The following ZMYM4 variants were observed in gnomAD, a reference collection of about 807,000 sequenced individuals.
ZMYM4 encodes the protein zinc finger MYM-type protein 4.
ZMYM4 carries 31 observed loss-of-function variants against 183.2 expected under a neutral mutation model. The observed-to-expected ratio is 0.17, with a 90% CI of 0.13 to 0.23. ZMYM4 has a LOEUF of 0.23. Ranked by LOEUF, ZMYM4 falls within the 10% of genes least tolerant of loss-of-function variation. ZMYM4 has a pLI of 1.00. For missense variants in ZMYM4, 1,273 were observed against 1,840.3 expected (o/e 0.69, Z 5.64); for synonymous variants, 592 against 631.2 (o/e 0.94, Z 0.93).
In ZMYM4 at chr1:35,359,325, CAA is replaced by C; in HGVS notation, c.488_489del (p.Lys163ArgfsTer10). The part of the protein sequence containing the change: ...KDFSLVRENS[K>X]ETFSGKEKNR... ...ATTTTAGTCTAGTAAGAGAAAACAG[CAA>C]AGAGACATTTTCTGGAAAGGAGAAA... On this transcript the variant is annotated frameshift_variant, in exon 3 of 30. Transcript: ENST00000314607. LOFTEE classifies it high-confidence loss of function. 6.2e-7 allele frequency: 1 copy of C among 1,610,904 alleles called. No homozygotes were observed. The highest frequency in any genetic ancestry group is 8.5e-7 in the Non-Finnish European group (1 of 1,179,058).
intron 2 of ZMYM4, among the ~76,000 whole-genome samples, chr1:35,347,133 G>A (rs1323129376): frequency 2.6e-5 from 4 of 152,158 alleles, no homozygotes; most frequent in Non-Finnish European, 5.9e-5. Context: ...AGCCTCCTGA[G>A]TAGCTGGGAT....
At chr1:35,273,051 A>C (rs1639696672) in intron 1 of ZMYM4, among the ~76,000 whole-genome samples, 2 of 152,122 alleles carry the variant, frequency 1.3e-5, no homozygotes, top group South Asian at 4.1e-4. Context: ...TAACAACCTT[A>C]AATTCTAGGT....
chr1:35,280,260 T>TTCTCTCTCTCTC (rs140943218), intron 1 of ZMYM4, among the ~76,000 whole-genome samples: 3 of 129,150 alleles, frequency 2.3e-5, no homozygotes, highest in African/African-American at 8.6e-5. Context: ...CTTTCTCTCT[T>TTCTCTCTCTCTC]TCTCTCTCTC....
intron 2 of ZMYM4, among the ~76,000 whole-genome samples, chr1:35,357,389 CCTCA>C (rs1643860764): frequency 6.6e-6 from 1 of 152,286 alleles, no homozygotes; most frequent in Admixed American, 6.5e-5. Flanking sequence ...TTAGTCTTCG[CCTCA>C]CTCTATTTTT....
At chr1:35,409,291 T>C (rs1558191826) in intron 26 of ZMYM4, among the ~76,000 whole-genome samples, 1 of 152,254 alleles carries the variant, frequency 6.6e-6, no homozygotes, top group Non-Finnish European at 1.5e-5. Flanking sequence ...TTGCCATATA[T>C]GCTTAGGAGT....
chr1:35,420,105 A>G lies in ZMYM4; in HGVS notation c.*428A>G, dbSNP rs1428550616. On this transcript the variant is annotated 3_prime_UTR_variant, in exon 30 of 30. Transcript: ENST00000314607. ...CGTAAAAGTCAGAGGAGAGATCAGT[A>G]CAGAGCTAAGAGTGACATCAAATGA... is the stretch of plus-strand genomic sequence containing the variant. 2 of 206,502 alleles carry G rather than the reference A, an allele frequency of 9.7e-6. No individual in the cohort carries two copies. Among genetic ancestry groups the G allele is most frequent in the Non-Finnish European group, 2.0e-5 (2 of 99,408 alleles). The allele number at this position is 206,502 out of a possible 1,614,324, so 12.8% of individuals were successfully genotyped here. A position where few individuals can be genotyped will look rare whatever the true frequency, so the allele number is the denominator to read the frequency against.
intron 18 of ZMYM4, among the ~76,000 whole-genome samples, chr1:35,394,781 G>T (rs1644777473): frequency 6.6e-6 from 1 of 152,158 alleles, no homozygotes; most frequent in East Asian, 1.9e-4. Flanking sequence ...TTTCACTAAG[G>T]AATAGATCTT....
intron 1 of ZMYM4, among the ~76,000 whole-genome samples, chr1:35,317,911 T>G (rs993276283): frequency 2.0e-5 from 3 of 152,118 alleles, no homozygotes; most frequent in Non-Finnish European, 4.4e-5. Flanking sequence ...GAGGAAAATG[T>G]TGTAACAAAG....
intron 23 of ZMYM4, among the ~76,000 whole-genome samples, chr1:35,402,116 TA>T (rs35016137): frequency 0.053 from 6,620 of 124,750 alleles, 320 homozygotes; most frequent in East Asian, 0.26. Flanking sequence ...TCAATTTCTT[TA>T]AAAAAAAAAA....
intron 7 of ZMYM4, among the ~76,000 whole-genome samples, chr1:35,371,104 T>C (rs1395237595): frequency 2.5e-5 from 3 of 117,682 alleles, no homozygotes; most frequent in South Asian, 2.6e-4. Flanking sequence ...TGTGTGTGTG[T>C]GTGCGCACAT....
At chr1:35,374,672 CAA>C (rs34853951) in intron 7 of ZMYM4, among the ~76,000 whole-genome samples, 5 of 105,806 alleles carry the variant, frequency 4.7e-5, no homozygotes, top group Admixed American at 9.0e-5. Context: ...ATCTCCGTCT[CAA>C]AAAAAAAAAA....
chr1:35,310,347 T>C, intron 1 of ZMYM4: 1 of 267,032 alleles, frequency 3.7e-6, no homozygotes, highest in South Asian at 4.0e-5. Context: ...GTGTGCTACA[T>C]GAGGGGCAAG....
chr1:35,378,127 G>A (rs1440568853), intron 7 of ZMYM4, among the ~76,000 whole-genome samples: 3 of 152,154 alleles, frequency 2.0e-5, no homozygotes, highest in Non-Finnish European at 4.4e-5. Flanking sequence ...TGAGATTGCA[G>A]CAATTCTGTC....
In ZMYM4 at chr1:35,325,379, C is replaced by T. The variant is rs1294751509; in HGVS notation, c.59C>T (p.Ala20Val). The T allele has an allele frequency of 6.2e-7, 1 of 1,601,974 alleles. No homozygotes were observed. The change falls in exon 2 of 30, where the codon GCA (alanine) becomes GTA (valine). Residue 20 changes from alanine (A) to valine (V), a missense_variant. This residue lies in a region of ZMYM4 where 384 missense variants were observed against 465.6 expected (regional missense o/e 0.82). Transcript: ENST00000314607. ...TTCCAGTTTGAACAAAAAAGTGGTG[C>T]AGTTTTTGATGAAATTGTAGAGAAC... ...PRKRFEQKSG[A>V]VFDEIVENCG...
intron 17 of ZMYM4, 46 bp from the exon 18 acceptor site, chr1:35,393,549 G>T (rs374304145): frequency 4.5e-5 from 68 of 1,506,608 alleles, no homozygotes; most frequent in Non-Finnish European, 5.9e-5. Context: ...TAATTACAAT[G>T]AGATTTTTAA....
chr1:35,269,655 A>G (rs949766239), intron 1 of ZMYM4, among the ~76,000 whole-genome samples: 8 of 152,176 alleles, frequency 5.3e-5, no homozygotes, highest in Non-Finnish European at 1.0e-4. Flanking sequence ...GATTTTGGCT[A>G]CTATGAATGT....
At chr1:35,291,352 G>T (rs1640752198) in intron 1 of ZMYM4, among the ~76,000 whole-genome samples, 1 of 151,844 alleles carries the variant, frequency 6.6e-6, no homozygotes, top group East Asian at 1.9e-4. Flanking sequence ...CATATTTCTG[G>T]CCTGAAGTGA....
At chr1:35,397,139 A>C in intron 19 of ZMYM4, 1 of 1,107,182 alleles carries the variant, frequency 9.0e-7, no homozygotes, top group Admixed American at 4.8e-5. Context: ...TGTATTATAG[A>C]ATTATTCTTT....
At chr1:35,415,890 A>G (rs1219698378) in intron 28 of ZMYM4, among the ~76,000 whole-genome samples, 176 bp downstream of exon 28, 1 of 152,246 alleles carries the variant, frequency 6.6e-6, no homozygotes, top group African/African-American at 2.4e-5. Context: ...AGTGAGAGGA[A>G]TCACGTGCTT....
Sources: allele counts gnomAD v4.1 joint callset (sites outside exome capture counted in the v4.1 genomes callset), GRCh38; gene constraint gnomAD v4.1.1; regional missense constraint gnomAD v4.1.1; transcripts MANE v1.5; gene names NCBI Gene and HGNC (gene_info 2026-07-23, HGNC 2026-07-21).